The following PRKAR2B variants were observed in gnomAD, a reference collection of about 807,000 sequenced individuals.
PRKAR2B encodes the protein protein kinase cAMP-dependent type II regulatory subunit beta, also known as cAMP-dependent protein kinase type II-beta regulatory subunit.
PRKAR2B carries 14 observed loss-of-function variants against 49.9 expected under a neutral mutation model. The ratio of observed to expected loss-of-function variants is 0.28; its 90% CI spans 0.19 to 0.44. The LOEUF (loss-of-function observed/expected upper bound fraction) is 0.44, where lower values mean the gene tolerates loss of function less well. Among genes scored for constraint, PRKAR2B ranks in the 20% least tolerant of loss-of-function variants. The pLI is 1.00. For synonymous variants in PRKAR2B, 196 were observed against 197.7 expected (o/e 0.99, Z 0.07); for missense variants, 393 against 537.9 (o/e 0.73, Z 2.67).
intron 5 of PRKAR2B, among the ~76,000 whole-genome samples, chr7:107,144,064 ATTTATTTATT>A (rs1262108926): frequency 1.9e-4 from 10 of 51,740 alleles, no homozygotes; most frequent in Non-Finnish European, 4.8e-4. Flanking sequence ...TTATTTATTT[ATTTATTTATT>A]TATTTATTTA....
At chr7:107,105,523 T>C (rs1247411792) in intron 2 of PRKAR2B, among the ~76,000 whole-genome samples, 1 of 152,196 alleles carries the variant, frequency 6.6e-6, no homozygotes, top group Non-Finnish European at 1.5e-5. Flanking sequence ...CCCTGAGAAA[T>C]GGGTCAGCAC....
chr7:107,131,850 T>A (rs1795609562), intron 4 of PRKAR2B, among the ~76,000 whole-genome samples: 1 of 152,232 alleles, frequency 6.6e-6, no homozygotes, highest in South Asian at 2.1e-4. Context: ...ATAACCCAAA[T>A]GTGTTTTAAT....
At chr7:107,156,512 C>G (rs186474012) in intron 8 of PRKAR2B, among the ~76,000 whole-genome samples, 3 of 151,972 alleles carry the variant, frequency 2.0e-5, no homozygotes. Flanking sequence ...CCATCAAAAC[C>G]TCTTCATTTA....
intron 2 of PRKAR2B, among the ~76,000 whole-genome samples, chr7:107,109,496 C>G (rs148919050): frequency 6.6e-6 from 1 of 151,310 alleles, no homozygotes; most frequent in African/African-American, 2.4e-5. Context: ...CACCTGGACT[C>G]AAGCAGTCCT....
chr7:107,100,216 T>C (rs1047931199), intron 2 of PRKAR2B, among the ~76,000 whole-genome samples: 2 of 152,178 alleles, frequency 1.3e-5, no homozygotes, highest in Admixed American at 6.5e-5. Flanking sequence ...GTCAGTGTTA[T>C]CTATCTGGAC....
At chr7:107,128,786 G>GGT (rs1392379167) in intron 4 of PRKAR2B, 1 of 95,742 alleles carries the variant, frequency 1.0e-5, no homozygotes, top group Non-Finnish European at 2.4e-5. Flanking sequence ...TTTAAGGTGA[G>GGT]GTTTTTTTTT....
chr7:107,122,435 GT>G (rs1795405880), intron 3 of PRKAR2B, among the ~76,000 whole-genome samples: 1 of 152,098 alleles, frequency 6.6e-6, no homozygotes, highest in African/African-American at 2.4e-5. Context: ...AAATCTGTGA[GT>G]CTTCATAGTT....
chr7:107,110,045 C>T (rs181733940), intron 2 of PRKAR2B, among the ~76,000 whole-genome samples: 14 of 152,320 alleles, frequency 9.2e-5, no homozygotes, highest in African/African-American at 3.4e-4. Flanking sequence ...ACCAGCACCA[C>T]CCCTCCACCA....
At chr7:107,067,005 T>G (rs952116954) in intron 1 of PRKAR2B, 1 of 152,320 alleles carries the variant, frequency 6.6e-6, no homozygotes, top group Non-Finnish European at 1.5e-5. Flanking sequence ...GTGGCCAGTA[T>G]TAGAGCCCAA....
At chr7:107,101,135 ATTTT>A (rs950761298) in intron 2 of PRKAR2B, among the ~76,000 whole-genome samples, 1 of 94,690 alleles carries the variant, frequency 1.1e-5, no homozygotes, top group Non-Finnish European at 2.0e-5. Context: ...GTTGTTGCTT[ATTTT>A]TTTTTTTTTT....
chr7:107,119,086 A>G (rs919452874), intron 2 of PRKAR2B, among the ~76,000 whole-genome samples: 4 of 152,202 alleles, frequency 2.6e-5, no homozygotes, highest in African/African-American at 4.8e-5. Context: ...CTTTGGAAAA[A>G]TAGTAGATTC....
chr7:107,097,138 G>A (rs1174366778), intron 2 of PRKAR2B, among the ~76,000 whole-genome samples: 1 of 152,070 alleles, frequency 6.6e-6, no homozygotes, highest in East Asian at 1.9e-4. Context: ...TTATTGTGTG[G>A]GAGTCTAAGT....
At chr7:107,134,708 TC>T (rs1795664045) in intron 4 of PRKAR2B, among the ~76,000 whole-genome samples, 1 of 152,218 alleles carries the variant, frequency 6.6e-6, no homozygotes, top group Non-Finnish European at 1.5e-5. Context: ...CAATTGATTT[TC>T]CCACAAGAGT....
chr7:107,139,735 T>G (rs1332606485), intron 4 of PRKAR2B, among the ~76,000 whole-genome samples: 4 of 152,236 alleles, frequency 2.6e-5, no homozygotes, highest in African/African-American at 9.6e-5. Flanking sequence ...TAGATTCATA[T>G]CTTCATATGC....
At chr7:107,106,494 T>C (rs1584431941) in intron 2 of PRKAR2B, among the ~76,000 whole-genome samples, 1 of 152,200 alleles carries the variant, frequency 6.6e-6, no homozygotes, top group African/African-American at 2.4e-5. Context: ...CTATATAAAC[T>C]TCTCTGGATC....
intron 1 of PRKAR2B, among the ~76,000 whole-genome samples, chr7:107,062,248 A>G (rs1226608788): frequency 6.6e-6 from 1 of 152,210 alleles, no homozygotes; most frequent in Non-Finnish European, 1.5e-5. Flanking sequence ...AGTTATTGTA[A>G]ACAAAATGAA....
rs968670860 is a variant in PRKAR2B, at chr7:107,160,395, A to T, written c.*813A>T. The T allele has an allele frequency of 2.0e-5, 3 of 152,104 alleles. No homozygotes were observed. The highest frequency in any genetic ancestry group is 4.4e-5 in the Non-Finnish European group (3 of 68,018). 9.4% of individuals were successfully genotyped at this position (152,104 alleles called of 1,614,324 possible). ...TAATGTCACAAAGTTTTGTTTTTTT[A>T]AAAAGTGATTTAAACTTAAGATCCG... is the stretch of plus-strand genomic sequence containing the variant. On this transcript the variant is annotated 3_prime_UTR_variant, in exon 11 of 11. Transcript: ENST00000265717.
intron 8 of PRKAR2B, among the ~76,000 whole-genome samples, chr7:107,154,816 A>C (rs894038672): frequency 2.0e-5 from 3 of 152,262 alleles, no homozygotes; most frequent in Non-Finnish European, 4.4e-5. Context: ...ATTAAGAAAC[A>C]AAAGCAAGAA....
At chr7:107,052,628 G>A (rs911540038) in intron 1 of PRKAR2B, among the ~76,000 whole-genome samples, 9 of 152,104 alleles carry the variant, frequency 5.9e-5, no homozygotes, top group Non-Finnish European at 1.0e-4. Flanking sequence ...TTCAACCACG[G>A]TTTATACACT....
Sources: allele counts gnomAD v4.1 joint callset (sites outside exome capture counted in the v4.1 genomes callset), GRCh38; gene constraint gnomAD v4.1.1; transcripts MANE v1.5; gene names NCBI Gene and HGNC (gene_info 2026-07-23, HGNC 2026-07-21).